Variants in CHCHD6 observed in about 807,000 individuals in gnomAD.
CHCHD6 encodes the protein MICOS complex subunit MIC25.
CHCHD6 carries 28 observed loss-of-function variants against 32.3 expected under a neutral mutation model. The ratio of observed to expected loss-of-function variants is 0.87; its 90% CI spans 0.64 to 1.19. CHCHD6 has a LOEUF of 1.19. CHCHD6 is among the 50% of genes most tolerant of loss of function. The pLI, the probability that CHCHD6 is intolerant of heterozygous loss-of-function variation, is 0.00. For synonymous variants in CHCHD6, 122 were observed against 117.5 expected (o/e 1.04, Z -0.25); for missense variants, 333 against 307.0 (o/e 1.08, Z -0.63).
chr3:126,904,257 C>T (rs1337675146), intron 5 of CHCHD6, among the ~76,000 whole-genome samples: 3 of 152,166 alleles, frequency 2.0e-5, no homozygotes, highest in Non-Finnish European at 4.4e-5. Flanking sequence ...CTGTAGTCTT[C>T]AAAAATTCCT....
intron 4 of CHCHD6, among the ~76,000 whole-genome samples, chr3:126,735,213 G>A (rs1026393310): frequency 3.3e-5 from 5 of 152,226 alleles, no homozygotes; most frequent in South Asian, 2.1e-4. Context: ...CTGTCTCTTC[G>A]TTCTCACCTG....
At chr3:126,751,273 G>C (rs185763334) in intron 4 of CHCHD6, among the ~76,000 whole-genome samples, 15 of 152,008 alleles carry the variant, frequency 9.9e-5, no homozygotes, top group Non-Finnish European at 1.9e-4. Context: ...AGGCAGAGGT[G>C]GGCCGATTGC....
intron 5 of CHCHD6, among the ~76,000 whole-genome samples, chr3:126,864,105 A>ATCCTCCACCACCATCACCACC (rs1942129335): frequency 3.2e-5 from 2 of 61,644 alleles, no homozygotes; most frequent in Non-Finnish European, 6.7e-5. Context: ...CCATTACCAC[A>ATCCTCCACCACCATCACCACC]TCCTCCACCA....
intron 4 of CHCHD6, among the ~76,000 whole-genome samples, chr3:126,808,263 A>G (rs1302820127): frequency 6.6e-6 from 1 of 152,130 alleles, no homozygotes; most frequent in Admixed American, 6.5e-5. Flanking sequence ...AGAAAGAGAG[A>G]GTGTGAACAA....
At chr3:126,754,302 A>G (rs915626601) in intron 4 of CHCHD6, among the ~76,000 whole-genome samples, 3 of 152,218 alleles carry the variant, frequency 2.0e-5, no homozygotes, top group Non-Finnish European at 2.9e-5. Context: ...GATCAAGTGT[A>G]AACATCTTCA....
At chr3:126,709,299 A>G (rs886277531) in intron 1 of CHCHD6, among the ~76,000 whole-genome samples, 1 of 152,208 alleles carries the variant, frequency 6.6e-6, no homozygotes, top group African/African-American at 2.4e-5. Context: ...GTCGTAGTAT[A>G]TATCAGTAGT....
intron 4 of CHCHD6, among the ~76,000 whole-genome samples, chr3:126,830,390 G>A (rs1377690768): frequency 6.6e-6 from 1 of 152,164 alleles, no homozygotes; most frequent in Non-Finnish European, 1.5e-5. Flanking sequence ...TTTTAGCCAG[G>A]CTTTCACCCT....
At chr3:126,734,442 G>T (rs1051765744) in intron 4 of CHCHD6, among the ~76,000 whole-genome samples, 4 of 152,220 alleles carry the variant, frequency 2.6e-5, no homozygotes, top group Non-Finnish European at 5.9e-5. Flanking sequence ...CATCATTTGG[G>T]ATTGTGCTCT....
chr3:126,912,814 G>T (rs774896382), intron 5 of CHCHD6, among the ~76,000 whole-genome samples: 6 of 152,338 alleles, frequency 3.9e-5, no homozygotes, highest in Admixed American at 3.9e-4. Context: ...GAGTCCTTGG[G>T]GTAAGACTAG....
intron 5 of CHCHD6, among the ~76,000 whole-genome samples, chr3:126,890,780 T>C: frequency 6.6e-6 from 1 of 152,226 alleles, no homozygotes; most frequent in Non-Finnish European, 1.5e-5. Context: ...TCCAGGTGTA[T>C]TTCTGAGCAG....
intron 4 of CHCHD6, among the ~76,000 whole-genome samples, chr3:126,844,672 A>G (rs939541566): frequency 6.6e-6 from 1 of 152,182 alleles, no homozygotes; most frequent in African/African-American, 2.4e-5. Context: ...TAGGAAGAAT[A>G]ATGGCCCCCC....
chr3:126,910,273 G>GAAAAAAAAAAAAACA lies in CHCHD6; in HGVS notation c.496-4399_496-4385dup, dbSNP rs5852498. On this transcript the variant is annotated intron_variant, in intron 5 of 7. Transcript: ENST00000290913. ...AGCCAGGAGCAAGGCCCTGCCTCAG[G>GAAAAAAAAAAAAACA]AAAAAAAAAAAAACAAAAAAAACAA... Among the ~76,000 whole-genome samples the GAAAAAAAAAAAAACA allele has an allele frequency of 1.3e-3, 147 of 111,410 alleles. 1 individual carries two copies. Among genetic ancestry groups the GAAAAAAAAAAAAACA allele is most frequent in the Admixed American group, 1.6e-3 (16 of 10,022 alleles). 73.1% of individuals were successfully genotyped at this position (111,410 alleles called of 152,430 possible). A position where few individuals can be genotyped will look rare whatever the true frequency, so the allele number is the denominator to read the frequency against.
chr3:126,708,059 G>A (rs1934581274), intron 1 of CHCHD6, among the ~76,000 whole-genome samples: 1 of 152,364 alleles, frequency 6.6e-6, no homozygotes. Context: ...CAAAAAGGGT[G>A]CAAAAGCTAC....
intron 5 of CHCHD6, among the ~76,000 whole-genome samples, chr3:126,882,381 G>A (rs2077622507): frequency 6.6e-6 from 1 of 152,216 alleles, no homozygotes; most frequent in Admixed American, 6.5e-5. Context: ...GTTTTATCAA[G>A]AGGAAGGTGC....
At chr3:126,902,207 C>T (rs944281998) in intron 5 of CHCHD6, among the ~76,000 whole-genome samples, 3 of 152,202 alleles carry the variant, frequency 2.0e-5, no homozygotes, top group African/African-American at 7.2e-5. Flanking sequence ...GACCAGTAAT[C>T]AGGGTCTCTG....
intron 4 of CHCHD6, among the ~76,000 whole-genome samples, chr3:126,815,983 C>T (rs13060079): frequency 0.06 from 9,144 of 152,228 alleles, 402 homozygotes; most frequent in East Asian, 0.22. Flanking sequence ...CACTTTCCCC[C>T]TTCCTCTGCC....
intron 5 of CHCHD6, among the ~76,000 whole-genome samples, chr3:126,862,608 C>T: frequency 7.3e-6 from 1 of 137,238 alleles, no homozygotes; most frequent in African/African-American, 2.8e-5. Flanking sequence ...CCACCATCAC[C>T]ACCTCCCCCT....
chr3:126,722,091 G>A (rs537196702), intron 1 of CHCHD6, among the ~76,000 whole-genome samples: 60 of 152,268 alleles, frequency 3.9e-4, no homozygotes, highest in African/African-American at 1.4e-3. Flanking sequence ...AATGAGAAGT[G>A]GAATTGCCAT....
At chr3:126,729,709 G>A (rs1420505241) in intron 2 of CHCHD6, among the ~76,000 whole-genome samples, 2 of 152,118 alleles carry the variant, frequency 1.3e-5, no homozygotes, top group Non-Finnish European at 2.9e-5. Flanking sequence ...AGTGCCCCCC[G>A]AAGGATCCCT....
Sources: gnomAD v4.1 joint callset for allele counts (sites outside exome capture counted in the v4.1 genomes callset) on GRCh38, gnomAD v4.1.1 for gene constraint, MANE v1.5 for transcripts, NCBI Gene and HGNC (gene_info 2026-07-23, HGNC 2026-07-21) for gene names.